KMT2A: variants seen among roughly 807,000 people sequenced by gnomAD.
KMT2A encodes the protein histone-lysine N-methyltransferase 2A.
A neutral mutation model predicts 345.3 loss-of-function variants in KMT2A; 16 were observed. That is an observed-to-expected ratio of 0.05 (90% CI 0.03 to 0.07). KMT2A has a LOEUF of 0.07. Ranked by LOEUF, KMT2A falls within the 10% of genes least tolerant of loss-of-function variation. KMT2A has a pLI of 1.00. For missense variants in KMT2A, 3,272 were observed against 4,841.6 expected, an observed-to-expected ratio of 0.68 and a Z score of 9.62; for synonymous variants, 1,599 against 1,778.6, an observed-to-expected ratio of 0.90 and a Z score of 2.54.
At position 118,512,032 on chromosome 11, in the gene KMT2A, G is replaced by T. The variant is rs1950698050; in HGVS notation, c.11146+7G>T. On this transcript the variant is annotated splice_region_variant and intron_variant, in intron 31 of 35. Coordinates refer to ENST00000534358, the MANE Select transcript of KMT2A (RefSeq NM_001197104.2). ...AAGCAGCTCTCATTTGCAGGTAATG[G>T]CTGGAGGTGTTATTCCACTCCTGTC... The T allele has an allele frequency of 6.2e-7, 1 of 1,612,316 alleles. No individual in the cohort carries two copies. The highest frequency in any genetic ancestry group is 1.3e-5 in the African/African-American group (1 of 74,870).
rs372782628 is a variant in KMT2A, at chr11:118,481,878, C to T, written c.3798C>T (p.Pro1266=). 258 of 1,614,034 alleles carry T rather than the reference C, an allele frequency of 1.6e-4. 1 individual carries two copies. Among genetic ancestry groups the T allele is most frequent in the Non-Finnish European group, 1.6e-4 (183 of 1,180,040 alleles). Residue 1266 remains proline, a synonymous_variant, in exon 7 of 36, where the codon CCC becomes CCT. Coordinates refer to ENST00000534358, the MANE Select transcript of KMT2A (RefSeq NM_001197104.2). The stretch of plus-strand genomic sequence containing the variant: ...GTAGTGAGCCTCCTCCACGAAAGCC[C>T]GTCGAGGAAAAGAGTGAAGAAGGGA... ...KSSSEPPPRK[P]VEEKSEEGNV...
chr11:118,474,214 A>G lies in KMT2A; in HGVS notation c.3055A>G (p.Thr1019Ala). Residue 1019 changes from threonine to alanine, a missense_variant, in exon 3 of 36, where the codon ACT (threonine) becomes GCT (alanine). Thr to Ala is a moderately conservative substitution (Grantham distance 58). Transcript: ENST00000534358. ...MLAQADKLPMTDKRVASLLKK... is the reference protein window; with the variant it reads ...MLAQADKLPMADKRVASLLKK... ...GGCTCAGGCAGACAAGCTTCCAATG[A>G]CTGACAAGAGGGTTGCCAGCCTCCT... is the stretch of plus-strand genomic sequence containing the variant. The G allele has an allele frequency of 6.2e-7, 1 of 1,614,116 alleles. No individual in the cohort carries two copies. Among genetic ancestry groups the G allele is most frequent in the South Asian group, 1.1e-5 (1 of 91,076 alleles).
Position 118,484,173 on chromosome 11 carries a change from G to A in KMT2A, c.4087-10G>A. 6.2e-7 allele frequency: 1 copy of A among 1,613,548 alleles called. No homozygotes were observed. ...TGATTTTGTTCTATATTCATCTTTT[G>A]TCTCCTTAGGAAAAACCACCTCCGG... On this transcript the variant is annotated splice_polypyrimidine_tract_variant and intron_variant, in intron 8 of 35. Transcript: ENST00000534358. The surrounding 1 kb of genome is among the most constrained non-coding windows in gnomAD (Gnocchi z 4.1).
At chr11:118,507,403 G>C in intron 27 of KMT2A, 126 bp from the exon 28 acceptor site, 1 of 750,358 alleles carries the variant, frequency 1.3e-6, no homozygotes, top group South Asian at 1.6e-5. Flanking sequence ...TATGACCTTA[G>C]GTCAGTTTTG....
chr11:118,467,539 G>A (rs781992679), intron 1 of KMT2A, among the ~76,000 whole-genome samples: 5 of 152,168 alleles, frequency 3.3e-5, no homozygotes, highest in African/African-American at 4.8e-5. Context: ...TGCAAAGGCT[G>A]GGCCTTAAAT....
chr11:118,457,257 C>CT (rs782636684), intron 1 of KMT2A, among the ~76,000 whole-genome samples: 1,338 of 89,080 alleles, frequency 0.015, 258 homozygotes, highest in South Asian at 0.026. Flanking sequence ...CACCTCCTGC[C>CT]TTTTTTTTTT....
chr11:118,507,680 C>A, intron 28 of KMT2A, 71 bp downstream of exon 28: 1 of 1,303,506 alleles, frequency 7.7e-7, no homozygotes, highest in Non-Finnish European at 1.1e-6. Context: ...AATAGTTCTT[C>A]CAGGCCGGGC....
chr11:118,507,416 G>T (rs1950603386), intron 27 of KMT2A, 113 bp from the exon 28 acceptor site: 1 of 888,928 alleles, frequency 1.1e-6, no homozygotes, highest in Admixed American at 2.2e-5. Context: ...CAGTTTTGCT[G>T]GCTTATAGAC....
rs1218767801 is a variant in KMT2A at position 118,497,190 on chromosome 11, G to T, written c.5665-746G>T. Among the ~76,000 whole-genome samples, 2 of 151,874 alleles carry T rather than the reference G, an allele frequency of 1.3e-5. No homozygotes were observed. The highest frequency in any genetic ancestry group is 2.9e-5 in the Non-Finnish European group (2 of 67,974). ...CGGCTAATTTTGTATTTTTAGTAGA[G>T]ACGGAGTTTCTCCATGTTGGTCAGG... On this transcript the variant is annotated intron_variant, in intron 20 of 35. Coordinates refer to ENST00000534358, the MANE Select transcript of KMT2A (RefSeq NM_001197104.2). This position sits in a 1 kb window ranked among gnomAD's most constrained non-coding sequence, Gnocchi z 4.8.
chr11:118,505,546 C>G lies in KMT2A; in HGVS notation c.9654C>G (p.Ser3218=). The change falls in exon 27 of 36, where the codon TCC becomes TCG. Residue 3218 remains serine (S), a synonymous_variant. Coordinates refer to ENST00000534358, the MANE Select transcript of KMT2A (RefSeq NM_001197104.2). The surrounding 1 kb of genome is among the most constrained non-coding windows in gnomAD (Gnocchi z 4.6). ...TDLSTTVATP[S]SGLKKRPISR... ...TCAGTACCACAGTAGCCACTCCATC[C>G]TCTGGACTCAAGAAAAGACCCATAT... 1 of 1,614,168 alleles carries G rather than the reference C, an allele frequency of 6.2e-7. No individual in the cohort carries two copies. Among genetic ancestry groups the G allele is most frequent in the East Asian group, 2.2e-5 (1 of 44,884 alleles).
At position 118,499,931 on chromosome 11, in the gene KMT2A, G is replaced by T; in HGVS notation, c.6158+18G>T. 1 of 1,550,652 alleles carries T rather than the reference G, an allele frequency of 6.4e-7. No individual in the cohort carries two copies. Among genetic ancestry groups the T allele is most frequent in the South Asian group, 1.1e-5 (1 of 89,390 alleles). On this transcript the variant is annotated intron_variant, in intron 24 of 35. Coordinates refer to ENST00000534358, the MANE Select transcript of KMT2A (RefSeq NM_001197104.2). ...GGATATCAGTAAGTAGCACTATAAAGAGAAGAGAGCAGCCCCACAACCTGA... is the reference window on the plus strand; with the variant it reads ...GGATATCAGTAAGTAGCACTATAAATAGAAGAGAGCAGCCCCACAACCTGA...
At chr11:118,519,001 C>G (rs782339231) in intron 31 of KMT2A, among the ~76,000 whole-genome samples, 2 of 141,154 alleles carry the variant, frequency 1.4e-5, no homozygotes, top group Non-Finnish European at 1.5e-5. Context: ...TGGCGTGAAC[C>G]CGGGAGGTGG....
At chr11:118,509,274 CTACT>C (rs1315580407) in intron 29 of KMT2A, 74 bp downstream of exon 29, 1 of 1,189,054 alleles carries the variant, frequency 8.4e-7, no homozygotes, top group Non-Finnish European at 1.2e-6. Context: ...CCCACTTTAC[CTACT>C]TATTTTCTAC....
rs1555043866 is a variant in KMT2A, at chr11:118,495,938, C to T, written c.5557+45C>T. On this transcript the variant is annotated intron_variant, in intron 19 of 35. Coordinates refer to ENST00000534358, the MANE Select transcript of KMT2A (RefSeq NM_001197104.2). The surrounding 1 kb of genome is among the most constrained non-coding windows in gnomAD (Gnocchi z 4.1). The stretch of plus-strand genomic sequence containing the variant: ...GTCGTCACCCATTTCCCTCTAGATG[C>T]AGATGATTGACTTCGTGAATCCAAT... 2.0e-6 allele frequency: 3 copies of T among 1,463,492 alleles called. No individual in the cohort carries two copies. Among genetic ancestry groups the T allele is most frequent in the Non-Finnish European group, 2.8e-6 (3 of 1,070,518 alleles). The allele number at this position is 1,463,492 out of a possible 1,614,324, so 90.7% of individuals were successfully genotyped here.
Position 118,506,102 on chromosome 11 carries a change from C to A in KMT2A, c.10210C>A (p.Pro3404Thr), listed in dbSNP as rs782311824. 9.3e-6 allele frequency: 15 copies of A among 1,614,062 alleles called. No homozygotes were observed. Among genetic ancestry groups the A allele is most frequent in the Non-Finnish European group, 1.3e-5 (15 of 1,180,048 alleles). ...TCAGGACCAGCCTGTGGCTTTACCG[C>A]CAAGTTCAGGAATGTTTCCACAACT... ...GIQDQPVALP[P>T]SSGMFPQLGT... The change falls in exon 27 of 36, where the codon CCA becomes ACA. Residue 3404 changes from proline to threonine, a missense_variant. By Grantham distance (38) the Pro-to-Thr change is conservative (BLOSUM62 -1). This residue lies in a region of KMT2A where 748 missense variants were observed against 922.2 expected (regional missense o/e 0.81). Transcript: ENST00000534358.
chr11:118,507,484 T>A (rs1555048852), intron 27 of KMT2A, 45 bp from the exon 28 acceptor site: 4 of 1,533,838 alleles, frequency 2.6e-6, no homozygotes, highest in Non-Finnish European at 3.6e-6. Flanking sequence ...CAGTACATAT[T>A]TACTGGTGGT....
At chr11:118,486,181 T>TA (rs1950226285) in intron 10 of KMT2A, among the ~76,000 whole-genome samples, 1 of 152,186 alleles carries the variant, frequency 6.6e-6, no homozygotes. Flanking sequence ...GTAATTGCAG[T>TA]AATAACATGG....
At chr11:118,517,387 CTCTG>C (rs1950840732) in intron 31 of KMT2A, among the ~76,000 whole-genome samples, 1 of 110,848 alleles carries the variant, frequency 9.0e-6, no homozygotes, top group Non-Finnish European at 1.8e-5. Context: ...CAGGGTGAGA[CTCTG>C]TCTCAAAAAA....
At chr11:118,506,748 G>C (rs1555048644) in intron 27 of KMT2A, 102 bp downstream of exon 27, 1 of 1,259,332 alleles carries the variant, frequency 7.9e-7, no homozygotes, top group Admixed American at 2.4e-5. Context: ...TTCTGTTCAA[G>C]TTGCATTACC....
Sources: gnomAD v4.1 joint callset for allele counts (sites outside exome capture counted in the v4.1 genomes callset) on GRCh38, gnomAD v4.1.1 for gene constraint, gnomAD v4.1.1 regional missense constraint, Gnocchi (gnomAD v3.1) non-coding constraint, MANE v1.5 for transcripts, NCBI Gene and HGNC (gene_info 2026-07-23, HGNC 2026-07-21) for gene names.